Variants in SYNE1 observed in about 807,000 individuals in gnomAD.
SYNE1 encodes the protein spectrin repeat containing nuclear envelope protein 1, also known as nesprin-1.
A neutral mutation model predicts 1,111.0 loss-of-function variants in SYNE1; 616 were observed. The ratio of observed to expected loss-of-function variants is 0.55; its 90% confidence interval spans 0.52 to 0.59. The LOEUF is 0.59. Among genes scored for constraint, SYNE1 ranks in the 20% least tolerant of loss-of-function variants. The probability of loss-of-function intolerance (pLI) is 0.00; values close to 1 mark genes in which losing one functional copy is unlikely to be tolerated. For missense variants in SYNE1, 10,006 were observed against 10,417.0 expected (o/e 0.96, Z 1.72); for synonymous variants, 3,855 against 3,825.8 (o/e 1.01, Z -0.28).
chr6:152,122,999 T>C (rs939313779), intron 145 of SYNE1, among the ~76,000 whole-genome samples: 16 of 152,262 alleles, frequency 1.1e-4, no homozygotes, highest in Non-Finnish European at 8.8e-5. Flanking sequence ...TCTACTAGCA[T>C]GAATTAAGTA....
At chr6:152,311,099 A>G (rs1254982629) in intron 87 of SYNE1, 2 of 576,316 alleles carry the variant, frequency 3.5e-6, no homozygotes, top group South Asian at 1.9e-5. Context: ...CAGAGGTCAC[A>G]TGTCATACTA....
chr6:152,355,219 T>C (rs1213571355), intron 66 of SYNE1, among the ~76,000 whole-genome samples: 1 of 152,184 alleles, frequency 6.6e-6, no homozygotes, highest in East Asian at 1.9e-4. Context: ...TTTTTCTCAA[T>C]CAACAGTTTC....
At chr6:152,347,420 GA>G (rs1193678771) in intron 72 of SYNE1, among the ~76,000 whole-genome samples, 185 bp from the exon 73 acceptor site, 1 of 152,136 alleles carries the variant, frequency 6.6e-6, no homozygotes, top group Non-Finnish European at 1.5e-5. Context: ...CCAAGAGGAA[GA>G]GTCAATGAGT....
chr6:152,339,185 C>T (rs768615631), intron 75 of SYNE1, 56 bp downstream of exon 75: 4 of 1,602,180 alleles, frequency 2.5e-6, no homozygotes, highest in Non-Finnish European at 3.4e-6. Context: ...ATGAAACATT[C>T]AAGCAAGAGA....
chr6:152,254,803 T>G, intron 104 of SYNE1, 77 bp downstream of exon 104: 1 of 1,316,424 alleles, frequency 7.6e-7, no homozygotes, highest in African/African-American at 1.5e-5. Context: ...CAACCAGGTC[T>G]GTAACACAGA....
chr6:152,258,710 T>C (rs925365018), intron 101 of SYNE1, among the ~76,000 whole-genome samples: 1 of 152,012 alleles, frequency 6.6e-6, no homozygotes, highest in African/African-American at 2.4e-5. Context: ...TGACCATGTT[T>C]TCAATCAAAC....
chr6:152,434,863 T>C (rs1049478600), intron 33 of SYNE1: 4 of 152,106 alleles, frequency 2.6e-5, no homozygotes, highest in Admixed American at 2.6e-4. Flanking sequence ...TAAATAATAT[T>C]GCAGTCTCAA....
chr6:152,455,331 C>A, intron 24 of SYNE1, 95 bp downstream of exon 24: 1 of 1,385,980 alleles, frequency 7.2e-7, no homozygotes, highest in South Asian at 1.4e-5. Context: ...TGCCCGCTCT[C>A]CTTCTGTATC....
chr6:152,183,405 A>T (rs2153205927), intron 128 of SYNE1, among the ~76,000 whole-genome samples: 1 of 152,232 alleles, frequency 6.6e-6, no homozygotes, highest in South Asian at 2.1e-4. Flanking sequence ...GTTCAAGACC[A>T]GCCGGGCCAA....
At chr6:152,505,508 G>C in intron 8 of SYNE1, 111 bp from the exon 9 acceptor site, 1 of 1,174,524 alleles carries the variant, frequency 8.5e-7, no homozygotes. Context: ...GCAGAGAGCT[G>C]TATCAGTTCA....
chr6:152,170,167 A>G (rs1220407689), intron 130 of SYNE1, among the ~76,000 whole-genome samples: 2 of 152,206 alleles, frequency 1.3e-5, no homozygotes, highest in Non-Finnish European at 2.9e-5. Flanking sequence ...TTGTTAGCAT[A>G]ATATATGTAT....
At chr6:152,307,298 ATAAT>A (rs2095410812) in intron 91 of SYNE1, among the ~76,000 whole-genome samples, 2 of 152,218 alleles carry the variant, frequency 1.3e-5, no homozygotes, top group Admixed American at 1.3e-4. Flanking sequence ...AAGAAATTAA[ATAAT>A]TAATTGCATT....
rs1252696483 is a variant in SYNE1, at chr6:152,371,899, A to AC, written c.9507+1137_9507+1138insG. Among the ~76,000 whole-genome samples, 268 of 99,248 alleles carry AC rather than the reference A, an allele frequency of 2.7e-3. 12 individuals are homozygous for AC. The highest frequency in any genetic ancestry group is 9.4e-3 in the African/African-American group (251 of 26,638). The allele number at this position is 99,248 out of a possible 152,430, so 65.1% of individuals were successfully genotyped here. ...AAAGGAAAGGAAAGGAAAGGAAAGGAAAGGAAAGGAAAGGAAAGGAAAGGA... is the reference window on the plus strand; with the variant it reads ...AAAGGAAAGGAAAGGAAAGGAAAGGACAAGGAAAGGAAAGGAAAGGAAAGGA... On this transcript the variant is annotated intron_variant, in intron 59 of 145. Coordinates refer to ENST00000367255, the MANE Select transcript of SYNE1 (RefSeq NM_182961.4).
At chr6:152,428,040 C>T (rs753456320) in intron 37 of SYNE1, among the ~76,000 whole-genome samples, 165 bp downstream of exon 37, 1 of 152,164 alleles carries the variant, frequency 6.6e-6, no homozygotes, top group African/African-American at 2.4e-5. Flanking sequence ...ATCCTCTCCA[C>T]TCTCAGGAAT....
rs1224575601 is a variant in SYNE1, at chr6:152,402,135, G to C, written c.6826-794C>G. Among the ~76,000 whole-genome samples the C allele has an allele frequency of 2.0e-5, 3 of 152,106 alleles. 1 individual carries two copies. In the South Asian group the frequency reaches 6.2e-4, roughly 32 times the overall value. ...ATAGGCTCAGACTGGCAGGAGGCGG[G>C]TGAGGCATTCTGACTCACTGGATGG... is the stretch of plus-strand genomic sequence containing the variant. On this transcript the variant is annotated intron_variant, in intron 46 of 145. Transcript: ENST00000367255.
At chr6:152,241,312 A>G (rs929842776) in intron 107 of SYNE1, among the ~76,000 whole-genome samples, 13 of 152,152 alleles carry the variant, frequency 8.5e-5, no homozygotes, top group Non-Finnish European at 1.5e-4. Flanking sequence ...TAGGAACGAC[A>G]ATTTGAAAAA....
At chr6:152,276,077 C>T (rs1226676274) in intron 98 of SYNE1, among the ~76,000 whole-genome samples, 1 of 138,688 alleles carries the variant, frequency 7.2e-6, no homozygotes, top group Admixed American at 7.8e-5. Context: ...CTCTGTTGCC[C>T]AAGCTAGAGC....
At chr6:152,419,419 A>G in intron 40 of SYNE1, 150 bp downstream of exon 40, 2 of 865,696 alleles carry the variant, frequency 2.3e-6, no homozygotes, top group Non-Finnish European at 3.5e-6. Context: ...GCCTTAACTC[A>G]TATGCTCAAT....
chr6:152,564,100 C>CTT (rs1478289561), intron 3 of SYNE1, among the ~76,000 whole-genome samples: 5 of 152,100 alleles, frequency 3.3e-5, no homozygotes, highest in Admixed American at 1.3e-4. Context: ...GTAAGACAAT[C>CTT]AAAGACTAGA....
Sources: allele counts gnomAD v4.1 joint callset (sites outside exome capture counted in the v4.1 genomes callset), GRCh38; gene constraint gnomAD v4.1.1; transcripts MANE v1.5; gene names NCBI Gene and HGNC (gene_info 2026-07-23, HGNC 2026-07-21).